The following WWC1 variants were observed in gnomAD, a reference collection of about 807,000 sequenced individuals.
WWC1 encodes the protein WW and C2 domain containing 1, also known as protein KIBRA.
In WWC1, 55 loss-of-function variants were observed where a neutral mutation model predicts 138.4. The ratio of observed to expected loss-of-function variants is 0.40; its 90% CI spans 0.32 to 0.50. The LOEUF (loss-of-function observed/expected upper bound fraction) is 0.50, where lower values mean the gene tolerates loss of function less well. WWC1 is among the 20% of genes least tolerant of loss of function. The pLI, the probability that WWC1 is intolerant of heterozygous loss-of-function variation, is 0.72. For synonymous variants in WWC1, 524 were observed against 564.9 expected (o/e 0.93, Z 1.03); for missense variants, 1,226 against 1,420.4 (o/e 0.86, Z 2.20).
chr5:168,424,136 C>G (rs534680514), intron 11 of WWC1, 68 bp downstream of exon 11: 229 of 1,504,648 alleles, frequency 1.5e-4, no homozygotes, highest in Non-Finnish European at 1.6e-4. Flanking sequence ...GCTCAGAACC[C>G]CCCAGTGATC....
intron 15 of WWC1, among the ~76,000 whole-genome samples, chr5:168,436,781 C>A (rs997686522): frequency 6.6e-6 from 1 of 152,144 alleles, no homozygotes; most frequent in East Asian, 1.9e-4. Flanking sequence ...CTTCCCCAGA[C>A]CCAAGCCACT....
rs1561809433 is a variant in WWC1, at chr5:168,468,841, T to G, written c.3276-110T>G. 18 of 1,155,218 alleles carry G rather than the reference T, an allele frequency of 1.6e-5. No individual in the cohort carries two copies. The East Asian group carries it at 4.3e-4, about 28-fold the overall frequency. 71.6% of individuals were successfully genotyped at this position (1,155,218 alleles called of 1,614,324 possible). A position where few individuals can be genotyped will look rare whatever the true frequency, so the allele number is the denominator to read the frequency against. On this transcript the variant is annotated intron_variant, in intron 22 of 22. Transcript: ENST00000265293. ...AAGAGGCCAAGGACGTTGCTAAACA[T>G]TCTGCAGCGAATGTATAGGACAGCT...
intron 6 of WWC1, among the ~76,000 whole-genome samples, chr5:168,407,735 T>C (rs1779906159): frequency 6.6e-6 from 1 of 152,218 alleles, no homozygotes; most frequent in African/African-American, 2.4e-5. Flanking sequence ...GTATGACTAT[T>C]GTCAGGATTC....
At chr5:168,363,048 G>A (rs1281448292) in intron 1 of WWC1, among the ~76,000 whole-genome samples, 1 of 152,172 alleles carries the variant, frequency 6.6e-6, no homozygotes, top group African/African-American at 2.4e-5. Context: ...AGATCTAAGG[G>A]TGGAAAAGCC....
chr5:168,392,186 T>C (rs1778560012), intron 3 of WWC1, among the ~76,000 whole-genome samples: 1 of 151,952 alleles, frequency 6.6e-6, no homozygotes, highest in Non-Finnish European at 1.5e-5. Flanking sequence ...AGAGCCAGAG[T>C]GTACTATCCT....
At chr5:168,417,122 C>T (rs896279763) in intron 9 of WWC1, among the ~76,000 whole-genome samples, 2 of 152,182 alleles carry the variant, frequency 1.3e-5, no homozygotes, top group Non-Finnish European at 2.9e-5. Flanking sequence ...GTGCCTCGGC[C>T]TTCCAAAGTG....
chr5:168,405,012 C>T (rs186576586), intron 5 of WWC1, among the ~76,000 whole-genome samples: 340 of 152,002 alleles, frequency 2.2e-3, no homozygotes, highest in African/African-American at 7.9e-3. Context: ...TAATTCTTAG[C>T]TCATCACAAG....
chr5:168,424,212 A>G, intron 11 of WWC1, 144 bp downstream of exon 11: 1 of 1,093,110 alleles, frequency 9.1e-7, no homozygotes, highest in Non-Finnish European at 1.3e-6. Flanking sequence ...ATATTTATTC[A>G]GTGGATGTTT....
intron 5 of WWC1, among the ~76,000 whole-genome samples, chr5:168,400,727 T>C (rs2152832198): frequency 1.3e-5 from 2 of 151,980 alleles, no homozygotes; most frequent in Middle Eastern, 6.8e-3. Context: ...GGTGAGAGGA[T>C]TGCTTGAGCC....
chr5:168,412,016 G>A (rs536207055), intron 8 of WWC1: 32 of 985,286 alleles, frequency 3.2e-5, no homozygotes, highest in African/African-American at 1.4e-4. Context: ...TCCCCCAGGC[G>A]TCCAGCAAAA....
chr5:168,375,902 C>G (rs917458134), intron 2 of WWC1, among the ~76,000 whole-genome samples: 4 of 151,906 alleles, frequency 2.6e-5, no homozygotes, highest in Non-Finnish European at 4.4e-5. Flanking sequence ...AAAACATAAG[C>G]CATTTTTACT....
At chr5:168,404,545 G>A (rs1207710557) in intron 5 of WWC1, among the ~76,000 whole-genome samples, 1 of 152,194 alleles carries the variant, frequency 6.6e-6, no homozygotes, top group Admixed American at 6.5e-5. Flanking sequence ...GCTTGGAGGC[G>A]CAGACGATGA....
At chr5:168,305,111 A>AGTATTTTT (rs1770429322) in intron 1 of WWC1, among the ~76,000 whole-genome samples, 1 of 149,518 alleles carries the variant, frequency 6.7e-6, no homozygotes, top group African/African-American at 2.5e-5. Flanking sequence ...GGCATGAGCC[A>AGTATTTTT]CTGTGCCTGG....
intron 2 of WWC1, among the ~76,000 whole-genome samples, chr5:168,382,315 T>C (rs1777698793): frequency 6.6e-6 from 1 of 152,210 alleles, no homozygotes; most frequent in South Asian, 2.1e-4. Context: ...CAAAAATTCA[T>C]GTATAATCAG....
At chr5:168,350,600 TC>T (rs1180181730) in intron 1 of WWC1, among the ~76,000 whole-genome samples, 19 of 152,144 alleles carry the variant, frequency 1.2e-4, no homozygotes, top group Non-Finnish European at 1.3e-4. Context: ...GTTCTGTTTT[TC>T]TCCACCCCAA....
Position 168,292,579 on chromosome 5 carries a change from C to T in WWC1, c.119+308C>T, listed in dbSNP as rs975438034. Among the ~76,000 whole-genome samples the T allele has an allele frequency of 2.6e-5, 4 of 152,086 alleles. No homozygotes were observed. Among genetic ancestry groups the T allele is most frequent in the African/African-American group, 9.7e-5 (4 of 41,434 alleles). The stretch of plus-strand genomic sequence containing the variant: ...CCTTAAGCTCTAGCCCCGCCCGCCC[C>T]CTTTAGGAAGAGAGGTCGGGCGGGG... On this transcript the variant is annotated intron_variant, in intron 1 of 22. Coordinates refer to ENST00000265293, the MANE Select transcript of WWC1 (RefSeq NM_015238.3). This position sits in a 1 kb window ranked among gnomAD's most constrained non-coding sequence, Gnocchi z 4.4.
At chr5:168,300,589 A>G (rs920008936) in intron 1 of WWC1, among the ~76,000 whole-genome samples, 3 of 152,036 alleles carry the variant, frequency 2.0e-5, no homozygotes, top group African/African-American at 7.3e-5. Flanking sequence ...CAGAAAAAAA[A>G]AAAAAAATGA....
intron 1 of WWC1, among the ~76,000 whole-genome samples, chr5:168,306,998 C>T (rs1454363592): frequency 2.7e-5 from 4 of 147,374 alleles, no homozygotes; most frequent in South Asian, 2.1e-4. Flanking sequence ...CTTCGAGACT[C>T]CAAGAAAATG....
chr5:168,412,241 C>G lies in WWC1; in HGVS notation c.942-2107C>G, dbSNP rs1780281810. On this transcript the variant is annotated intron_variant, in intron 8 of 22. Transcript: ENST00000265293. ...TGACTTTATGCAGCCTCTTGCTTGC[C>G]CCTCCACCCGAAGCTCATTTTAGTG... 3 of 966,052 alleles carry G rather than the reference C, an allele frequency of 3.1e-6. No individual in the cohort carries two copies. In the African/African-American group the frequency reaches 5.3e-5, roughly 17 times the overall value. The allele number at this position is 966,052 out of a possible 1,614,324, so 59.8% of individuals were successfully genotyped here. A position where few individuals can be genotyped will look rare whatever the true frequency, so the allele number is the denominator to read the frequency against.
Sources: gnomAD v4.1 joint callset for allele counts (sites outside exome capture counted in the v4.1 genomes callset) on GRCh38, gnomAD v4.1.1 for gene constraint, Gnocchi (gnomAD v3.1) non-coding constraint, MANE v1.5 for transcripts, NCBI Gene and HGNC (gene_info 2026-07-23, HGNC 2026-07-21) for gene names.